The following ANK1 variants were observed in gnomAD, a reference collection of about 807,000 sequenced individuals.
The protein encoded by ANK1 is ankyrin 1, also known as ankyrin-1.
In ANK1, 51 loss-of-function variants were observed where a neutral mutation model predicts 210.4. That is an observed-to-expected ratio of 0.24 (90% CI 0.19 to 0.31). The LOEUF is 0.31. ANK1 is among the 10% of genes least tolerant of loss of function. The pLI, the probability that ANK1 is intolerant of heterozygous loss-of-function variation, is 1.00. For missense variants in ANK1, 2,051 were observed against 2,504.4 expected (o/e 0.82, Z 3.86); for synonymous variants, 967 against 1,025.9 (o/e 0.94, Z 1.10).
intron 1 of ANK1, among the ~76,000 whole-genome samples, chr8:41,871,168 A>C (rs1815413176): frequency 6.6e-6 from 1 of 152,100 alleles, no homozygotes; most frequent in Non-Finnish European, 1.5e-5. Flanking sequence ...GTGCCTTCCC[A>C]TCGCCCCTGC....
Position 41,668,532 on chromosome 8 carries a change from A to T in ANK1, c.5129T>A (p.Val1710Asp), listed in dbSNP as rs1440944033. The T allele has an allele frequency of 2.2e-5, 36 of 1,613,848 alleles. No homozygotes were observed. Among genetic ancestry groups the T allele is most frequent in the Non-Finnish European group, 3.1e-5 (36 of 1,179,892 alleles). The part of the protein sequence containing the change: ...LQDWDADGSI[V>D]SYLQDAAQGS... ...TTGTGCAGCATCTTGCAGGTATGAG[A>T]CAATCGAGCCGTCTGCATCCCAGTC... The change falls in exon 39 of 43, where the codon GTC becomes GAC. Residue 1710 changes from valine (V) to aspartate (D), a missense_variant. Transcript: ENST00000289734.
chr8:41,812,805 A>G (rs1802694250), intron 1 of ANK1, among the ~76,000 whole-genome samples: 1 of 152,190 alleles, frequency 6.6e-6, no homozygotes, highest in Admixed American at 6.5e-5. Flanking sequence ...TGCGCAACCT[A>G]GATCCCTCTC....
rs142721495 is a variant in ANK1, at chr8:41,747,315, A to T, written c.129+10721T>A. 5.3e-5 allele frequency among the ~76,000 whole-genome samples: 8 copies of T among 152,156 alleles called. No individual in the cohort carries two copies. In the East Asian group the frequency reaches 1.6e-3, roughly 30 times the overall value. On this transcript the variant is annotated intron_variant, in intron 2 of 42. Transcript: ENST00000289734. ...TTTCAGCGTTTCCTCTAACAAGCAG[A>T]GAGGCAAATCTTCCTCAAGGCCCAG...
chr8:41,690,283 C>T lies in ANK1; in HGVS notation c.4048G>A (p.Glu1350Lys), dbSNP rs1818910772. ...LSFLRKAMKY[E>K]DTQHILCHLN... is the part of the protein sequence containing the mutation. ...TGGCAGAGAATGTGCTGGGTGTCCT[C>T]GTACTTCATCGCCTTGCGCAGAAAC... Residue 1350 changes from glutamate (E) to lysine (K), a missense_variant, in exon 33 of 43, where the codon GAG becomes AAG. Physicochemically the swap from Glu to Lys is moderately conservative, Grantham distance 56. This residue lies in a region of ANK1 where 1,413 missense variants were observed against 1,707.4 expected (regional missense o/e 0.83). Coordinates refer to ENST00000289734, the MANE Select transcript of ANK1 (RefSeq NM_000037.4). 6 of 1,614,192 alleles carry T rather than the reference C, an allele frequency of 3.7e-6. No homozygotes were observed. In the East Asian group the frequency reaches 6.7e-5, roughly 18 times the overall value.
intron 1 of ANK1, among the ~76,000 whole-genome samples, chr8:41,881,475 C>T (rs1817578383): frequency 6.6e-6 from 1 of 152,136 alleles, no homozygotes; most frequent in African/African-American, 2.4e-5. Flanking sequence ...GGAATACATG[C>T]CTTCTGTACT....
chr8:41,755,208 T>C (rs960316991), intron 2 of ANK1, among the ~76,000 whole-genome samples: 2 of 152,220 alleles, frequency 1.3e-5, no homozygotes, highest in African/African-American at 4.8e-5. Context: ...TGCTGCTCTC[T>C]GAGCCCAAAA....
At chr8:41,719,427 C>T (rs532197300) in intron 10 of ANK1, among the ~76,000 whole-genome samples, 33 of 152,314 alleles carry the variant, frequency 2.2e-4, no homozygotes, top group African/African-American at 6.3e-4. Flanking sequence ...TCCCTGACCT[C>T]GGCCTGGTCA....
chr8:41,712,569 T>C (rs770335852), intron 16 of ANK1, among the ~76,000 whole-genome samples: 6 of 152,236 alleles, frequency 3.9e-5, no homozygotes, highest in Admixed American at 2.0e-4. Flanking sequence ...GAGGGAGGAA[T>C]GTGTGCCCGC....
intron 37 of ANK1, among the ~76,000 whole-genome samples, chr8:41,683,115 TACGC>T (rs60453773): frequency 0.022 from 3,287 of 151,934 alleles, 119 homozygotes; most frequent in African/African-American, 0.077. Context: ...TGCACACACA[TACGC>T]ACACACACAA....
chr8:41,663,098 G>GTGTCTCTC (rs71548543), intron 40 of ANK1, among the ~76,000 whole-genome samples: 3 of 145,046 alleles, frequency 2.1e-5, no homozygotes, highest in African/African-American at 5.2e-5. Flanking sequence ...GTGTGTGTGT[G>GTGTCTCTC]TCTCTCTCTC....
rs72638944 is a variant in ANK1 at position 41,655,552 on chromosome 8, A to G, written c.*238T>C. 24,021 of 712,022 alleles carry G rather than the reference A, an allele frequency of 0.034. 576 individuals are homozygous for G. Among genetic ancestry groups the G allele is most frequent in the African/African-American group, 0.085 (4,804 of 56,756 alleles). 44.1% of individuals were successfully genotyped at this position (712,022 alleles called of 1,614,324 possible). On this transcript the variant is annotated 3_prime_UTR_variant, in exon 43 of 43. Coordinates refer to ENST00000289734, the MANE Select transcript of ANK1 (RefSeq NM_000037.4). The stretch of plus-strand genomic sequence containing the variant: ...TTCCGACAGATCAGCTGTCATTGCA[A>G]GAGGCAGGATTGAAGCCTGGAGGTC...
At chr8:41,819,671 T>G (rs1320970740) in intron 1 of ANK1, among the ~76,000 whole-genome samples, 1 of 152,178 alleles carries the variant, frequency 6.6e-6, no homozygotes, top group East Asian at 1.9e-4. Context: ...CAAACTCCCC[T>G]GAAAGCAGGC....
rs539613863 is a variant in ANK1, at chr8:41,797,012, A to G, written c.27+500T>C. On this transcript the variant is annotated intron_variant, in intron 1 of 42. Coordinates refer to ENST00000289734, the MANE Select transcript of ANK1 (RefSeq NM_000037.4). This position sits in a 1 kb window ranked among gnomAD's most constrained non-coding sequence, Gnocchi z 4.0. ...ACAACATAAATTAAAAGAACCGAGC[A>G]GGTGTGACCATGAGACCACCGGCCT... 6.6e-6 allele frequency among the ~76,000 whole-genome samples: 1 copy of G among 152,280 alleles called. No individual in the cohort carries two copies. Among genetic ancestry groups the G allele is most frequent in the South Asian group, 2.1e-4 (1 of 4,816 alleles).
intron 40 of ANK1, among the ~76,000 whole-genome samples, chr8:41,663,296 T>C (rs1809194708): frequency 6.6e-6 from 1 of 152,076 alleles, no homozygotes; most frequent in South Asian, 2.1e-4. Context: ...ACATTCTTTT[T>C]ATTTGAGGAG....
rs568950693 is a variant in ANK1 at position 41,698,509 on chromosome 8, G to T, written c.2559-388C>A. Among the ~76,000 whole-genome samples the T allele has an allele frequency of 2.0e-5, 3 of 151,754 alleles. No individual in the cohort carries two copies. In the South Asian group the frequency reaches 6.2e-4, roughly 32 times the overall value. ...TTCAAATGGAGTAAATGGCCCAGTG[G>T]TTTCACTCCCTGCTTGTTCATGGGA... On this transcript the variant is annotated intron_variant, in intron 23 of 42. Transcript: ENST00000289734.
chr8:41,846,383 G>C (rs1420905289), intron 1 of ANK1, among the ~76,000 whole-genome samples: 3 of 152,212 alleles, frequency 2.0e-5, no homozygotes. Context: ...ACAGAACAGA[G>C]CACCAGATGA....
At chr8:41,734,457 G>A (rs1297085057) in intron 2 of ANK1, among the ~76,000 whole-genome samples, 1 of 152,190 alleles carries the variant, frequency 6.6e-6, no homozygotes, top group African/African-American at 2.4e-5. Flanking sequence ...AAGCAAAGTG[G>A]TAACACCAGT....
intron 1 of ANK1, among the ~76,000 whole-genome samples, chr8:41,774,222 C>G (rs1843545470): frequency 6.6e-6 from 1 of 152,192 alleles, no homozygotes; most frequent in African/African-American, 2.4e-5. Context: ...CTGAGCAGAA[C>G]ATGATGCAGT....
intron 2 of ANK1, among the ~76,000 whole-genome samples, chr8:41,745,083 C>T (rs1049027859): frequency 2.5e-5 from 3 of 121,546 alleles, no homozygotes; most frequent in East Asian, 3.0e-4. Context: ...ACAGAGACAG[C>T]GTGAGAAAAC....
Sources: gnomAD v4.1 joint callset for allele counts (sites outside exome capture counted in the v4.1 genomes callset) on GRCh38, gnomAD v4.1.1 for gene constraint, gnomAD v4.1.1 regional missense constraint, Gnocchi (gnomAD v3.1) non-coding constraint, MANE v1.5 for transcripts, NCBI Gene and HGNC (gene_info 2026-07-23, HGNC 2026-07-21) for gene names.